NRG4: variants seen among roughly 807,000 people sequenced by gnomAD.
NRG4 encodes pro-neuregulin-4, membrane-bound isoform.
Under a neutral mutation model 15.0 loss-of-function variants are expected in NRG4, and 10 were observed. The observed-to-expected ratio is 0.67, with a 90% confidence interval of 0.41 to 1.13. The LOEUF is 1.13. Ranked by LOEUF, NRG4 falls within the 50% of genes most tolerant of loss-of-function variation. The pLI is 0.00. For missense variants in NRG4, 139 were observed against 140.2 expected (o/e 0.99, Z 0.04); for synonymous variants, 41 against 50.1 (o/e 0.82, Z 0.77).
chr15:75,951,779 TGTAA>T (rs2031919300), intron 5 of NRG4, among the ~76,000 whole-genome samples: 1 of 152,222 alleles, frequency 6.6e-6, no homozygotes, highest in African/African-American at 2.4e-5. Context: ...TTATGTATGT[TGTAA>T]GTCCCATATT....
chr15:75,967,579 A>C (rs527293090), intron 3 of NRG4, among the ~76,000 whole-genome samples: 3 of 145,608 alleles, frequency 2.1e-5, no homozygotes, highest in African/African-American at 7.6e-5. Flanking sequence ...CTCCTGCTTC[A>C]GCCTCCTGAG....
rs2033404701 is a variant in NRG4, at chr15:75,977,159, G to C, written c.105-15185C>G. ...GGAAAACTGCCCACTCAAGCCTCCA[G>C]ATGCCCCTCCCCCAACCAAGACTGA... On this transcript the variant is annotated intron_variant, in intron 3 of 5. Coordinates refer to ENST00000394907, the MANE Select transcript of NRG4 (RefSeq NM_138573.4). This position sits in a 1 kb window ranked among gnomAD's most constrained non-coding sequence, Gnocchi z 4.9. Among the ~76,000 whole-genome samples the C allele has an allele frequency of 6.6e-6, 1 of 152,082 alleles. No individual in the cohort carries two copies. The highest frequency in any genetic ancestry group is 2.1e-4 in the South Asian group (1 of 4,830).
chr15:76,038,688 C>T (rs904248020), intron 4 of NRG4, among the ~76,000 whole-genome samples: 3 of 152,136 alleles, frequency 2.0e-5, no homozygotes, highest in Non-Finnish European at 2.9e-5. Context: ...AGGAACTTGC[C>T]GCCCTGAAGG....
At chr15:76,049,795 T>C (rs972044444) in intron 4 of NRG4, among the ~76,000 whole-genome samples, 10 of 150,806 alleles carry the variant, frequency 6.6e-5, no homozygotes, top group Non-Finnish European at 1.3e-4. Flanking sequence ...ATCCCACATT[T>C]CGGGGAACTA....
Position 75,942,005 on chromosome 15 carries a change from G to A in NRG4, c.*1633C>T, listed in dbSNP as rs1173012943. On this transcript the variant is annotated 3_prime_UTR_variant, in exon 6 of 6. Transcript: ENST00000394907. The stretch of plus-strand genomic sequence containing the variant: ...TTTTTTTTTAAAAAGGGCAGGGGGT[G>A]GGGTATTTAGTCACAAGACATAGAG... 1 of 148,238 alleles carries A rather than the reference G, an allele frequency of 6.7e-6. No individual in the cohort carries two copies. The highest frequency in any genetic ancestry group is 1.5e-5 in the Non-Finnish European group (1 of 67,306). The allele number at this position is 148,238 out of a possible 1,614,324, so 9.2% of individuals were successfully genotyped here. A position where few individuals can be genotyped will look rare whatever the true frequency, so the allele number is the denominator to read the frequency against.
intron 4 of NRG4, among the ~76,000 whole-genome samples, chr15:76,051,247 C>T (rs1423660573): frequency 2.0e-5 from 3 of 149,076 alleles, no homozygotes; most frequent in African/African-American, 7.6e-5. Flanking sequence ...CCTCGTGATC[C>T]GCCCGCCTCG....
chr15:75,985,186 A>G (rs1218052950), intron 3 of NRG4, among the ~76,000 whole-genome samples: 1 of 152,196 alleles, frequency 6.6e-6, no homozygotes, highest in Admixed American at 6.5e-5. Flanking sequence ...AAATAAGGGT[A>G]AGTTCCATTA....
chr15:75,992,347 G>A (rs1270012911), intron 3 of NRG4, among the ~76,000 whole-genome samples: 3 of 151,900 alleles, frequency 2.0e-5, no homozygotes, highest in Non-Finnish European at 4.4e-5. Flanking sequence ...TTTCCATTTG[G>A]TATTATTTCC....
intron 5 of NRG4, among the ~76,000 whole-genome samples, chr15:75,952,237 C>T (rs1377184765): frequency 6.6e-6 from 1 of 152,196 alleles, no homozygotes; most frequent in Non-Finnish European, 1.5e-5. Context: ...CACTCCCCAA[C>T]ATCCCCCCAT....
At chr15:75,974,057 T>C (rs1201101123) in intron 3 of NRG4, among the ~76,000 whole-genome samples, 6 of 152,192 alleles carry the variant, frequency 3.9e-5, no homozygotes. Flanking sequence ...TTGTTATTGG[T>C]CTATTCAGGG....
intron 3 of NRG4, among the ~76,000 whole-genome samples, chr15:76,003,018 T>TTG (rs2034470544): frequency 1.3e-5 from 2 of 152,250 alleles, no homozygotes; most frequent in East Asian, 3.9e-4. Context: ...CAACTGCTCC[T>TTG]TTTCAAATGT....
intron 3 of NRG4, among the ~76,000 whole-genome samples, chr15:75,972,636 C>T (rs2033151857): frequency 6.6e-6 from 1 of 152,144 alleles, no homozygotes; most frequent in Non-Finnish European, 1.5e-5. Flanking sequence ...AATCCTTTCC[C>T]CCTTACTTAT....
chr15:75,971,843 CTTTATAGTAGAATGA>C (rs1322795220), intron 3 of NRG4, among the ~76,000 whole-genome samples: 1 of 152,122 alleles, frequency 6.6e-6, no homozygotes, highest in Non-Finnish European at 1.5e-5. Context: ...GTGCACGTGC[CTTTATAGTAGAATGA>C]TTTATAATCC....
chr15:76,052,124 G>T (rs2036034928), exon 4 of NRG4: 1 of 150,908 alleles, frequency 6.6e-6, no homozygotes, highest in South Asian at 2.1e-4. Flanking sequence ...GAGGAAACTG[G>T]TTCTCTTTTA....
intron 5 of NRG4, among the ~76,000 whole-genome samples, chr15:75,946,269 T>A (rs1344101761): frequency 6.6e-6 from 1 of 152,260 alleles, no homozygotes; most frequent in Non-Finnish European, 1.5e-5. Context: ...CTGAAATTGC[T>A]AAAAGCTAAA....
intron 5 of NRG4, among the ~76,000 whole-genome samples, chr15:76,032,174 C>A (rs1340019936): frequency 6.6e-6 from 1 of 151,812 alleles, no homozygotes; most frequent in Non-Finnish European, 1.5e-5. Context: ...AGAAATAGAC[C>A]AAAAAGATTT....
At chr15:76,000,872 T>C (rs1427427037) in intron 3 of NRG4, among the ~76,000 whole-genome samples, 1 of 152,154 alleles carries the variant, frequency 6.6e-6, no homozygotes, top group Non-Finnish European at 1.5e-5. Context: ...GGAAGCCATA[T>C]ATTAAAATGA....
chr15:76,035,543 G>T (rs986099659), intron 5 of NRG4, among the ~76,000 whole-genome samples: 3 of 151,866 alleles, frequency 2.0e-5, no homozygotes, highest in Non-Finnish European at 4.4e-5. Context: ...AACTCTATTT[G>T]GTGAAATTTC....
chr15:76,059,891 T>TGGGCGGAG (rs1193520876), upstream of NRG4: 36 of 131,212 alleles, frequency 2.7e-4, no homozygotes, highest in East Asian at 6.8e-3. Context: ...CCGAGCGCGG[T>TGGGCGGAG]GGGCGGAGGG....
Sources: gnomAD v4.1 joint callset for allele counts (sites outside exome capture counted in the v4.1 genomes callset) on GRCh38, gnomAD v4.1.1 for gene constraint, Gnocchi (gnomAD v3.1) non-coding constraint, MANE v1.5 for transcripts, NCBI Gene and HGNC (gene_info 2026-07-23, HGNC 2026-07-21) for gene names.